Variants in BABAM2 observed in about 807,000 individuals in gnomAD.
The protein encoded by BABAM2 is BRISC and BRCA1-A complex member 2.
A neutral mutation model predicts 54.7 loss-of-function variants in BABAM2; 31 were observed. The ratio of observed to expected loss-of-function variants is 0.57; its 90% CI spans 0.43 to 0.77. The LOEUF (loss-of-function observed/expected upper bound fraction) is 0.77, where lower values mean the gene tolerates loss of function less well. Among genes scored for constraint, BABAM2 ranks in the 30% least tolerant of loss-of-function variants. BABAM2 has a pLI of 0.00. For missense variants in BABAM2, 364 were observed against 455.8 expected, an observed-to-expected ratio of 0.80 and a Z score of 1.83; for synonymous variants, 167 against 162.9, an observed-to-expected ratio of 1.03 and a Z score of -0.19.
intron 10 of BABAM2, among the ~76,000 whole-genome samples, chr2:28,272,425 A>G (rs1685495170): frequency 6.6e-6 from 1 of 152,206 alleles, no homozygotes; most frequent in South Asian, 2.1e-4. Context: ...ACCCCACATA[A>G]CAAAAGGGAC....
At chr2:28,233,950 G>A (rs1441365815) in intron 7 of BABAM2, among the ~76,000 whole-genome samples, 1 of 135,094 alleles carries the variant, frequency 7.4e-6, no homozygotes, top group Admixed American at 8.0e-5. Flanking sequence ...CTTTGGTGAC[G>A]GTCTGAAGCC....
intron 3 of BABAM2, among the ~76,000 whole-genome samples, chr2:27,965,339 A>G (rs1401192857): frequency 1.3e-5 from 2 of 152,222 alleles, no homozygotes; most frequent in Admixed American, 1.3e-4. Flanking sequence ...TATTTTTGAA[A>G]TGGAAAATTT....
chr2:27,993,188 A>G (rs937234474), intron 4 of BABAM2, among the ~76,000 whole-genome samples: 3 of 152,182 alleles, frequency 2.0e-5, no homozygotes, highest in Admixed American at 2.0e-4. Context: ...TGGGATAATG[A>G]GTCATCCTTG....
intron 3 of BABAM2, among the ~76,000 whole-genome samples, chr2:27,946,560 T>A (rs1669309953): frequency 6.6e-6 from 1 of 152,130 alleles, no homozygotes; most frequent in East Asian, 1.9e-4. Flanking sequence ...GAAAGATTGA[T>A]TTTATTTCTT....
At chr2:28,015,811 T>G (rs747197105) in intron 4 of BABAM2, 2 of 995,914 alleles carry the variant, frequency 2.0e-6, no homozygotes, top group Non-Finnish European at 2.8e-6. Context: ...TTCTCATGCT[T>G]CTTTTTCTGT....
chr2:27,951,094 A>G (rs960476572), intron 3 of BABAM2, among the ~76,000 whole-genome samples: 1 of 152,114 alleles, frequency 6.6e-6, no homozygotes, highest in Non-Finnish European at 1.5e-5. Context: ...ACATTTACTC[A>G]TGTTGTGGAA....
At position 27,938,678 on chromosome 2, in the gene BABAM2, C is replaced by T. The variant is rs545140511; in HGVS notation, c.205+8770C>T. On this transcript the variant is annotated intron_variant, in intron 3 of 11. Transcript: ENST00000379624. ...GTGCTGAGATTACAGACGTGAGCCACTGTGCTCGGCCAGCTCTTTGCCTTT... is the reference window on the plus strand; with the variant it reads ...GTGCTGAGATTACAGACGTGAGCCATTGTGCTCGGCCAGCTCTTTGCCTTT... Among the ~76,000 whole-genome samples, 4 of 152,232 alleles carry T rather than the reference C, an allele frequency of 2.6e-5. No homozygotes were observed. In the South Asian group the frequency reaches 8.3e-4, roughly 32 times the overall value.
At chr2:28,248,408 C>T (rs1276931194) in intron 10 of BABAM2, among the ~76,000 whole-genome samples, 5 of 151,636 alleles carry the variant, frequency 3.3e-5, no homozygotes, top group African/African-American at 7.3e-5. Context: ...GGAGTTTCTC[C>T]GTGTTGGTCA....
intron 10 of BABAM2, among the ~76,000 whole-genome samples, chr2:28,269,868 T>C (rs1415377086): frequency 6.6e-6 from 1 of 152,032 alleles, no homozygotes; most frequent in African/African-American, 2.4e-5. Flanking sequence ...TTTTTTACAT[T>C]GACAATGACA....
intron 7 of BABAM2, among the ~76,000 whole-genome samples, chr2:28,139,321 C>CAAAA (rs768755922): frequency 2.6e-4 from 23 of 87,040 alleles, no homozygotes; most frequent in African/African-American, 4.6e-4. Context: ...AACTCCGTCT[C>CAAAA]AAAAAAAAAA....
chr2:28,045,435 C>A (rs1433248146), intron 5 of BABAM2, among the ~76,000 whole-genome samples: 1 of 152,086 alleles, frequency 6.6e-6, no homozygotes, highest in African/African-American at 2.4e-5. Flanking sequence ...TTCATATATT[C>A]TTTTCATACT....
At chr2:28,240,782 A>G (rs1682337798) in intron 8 of BABAM2, among the ~76,000 whole-genome samples, 1 of 151,884 alleles carries the variant, frequency 6.6e-6, no homozygotes, top group African/African-American at 2.4e-5. Flanking sequence ...AGGGAGGAGA[A>G]TCACTTGAAC....
chr2:28,182,141 T>G (rs1440219595), intron 7 of BABAM2, among the ~76,000 whole-genome samples: 1 of 152,104 alleles, frequency 6.6e-6, no homozygotes, highest in African/African-American at 2.4e-5. Context: ...TACAGGCCGC[T>G]TTAAGGACAC....
chr2:28,211,067 G>A (rs965236560), intron 7 of BABAM2, among the ~76,000 whole-genome samples: 1 of 151,994 alleles, frequency 6.6e-6, no homozygotes, highest in African/African-American at 2.4e-5. Flanking sequence ...TACTTTTCTT[G>A]GATCATTAAA....
intron 3 of BABAM2, among the ~76,000 whole-genome samples, chr2:27,986,836 T>A (rs1672432757): frequency 6.6e-6 from 1 of 152,180 alleles, no homozygotes; most frequent in Non-Finnish European, 1.5e-5. Context: ...TTTTTATACA[T>A]TACAACTCAA....
intron 3 of BABAM2, among the ~76,000 whole-genome samples, chr2:27,932,559 TG>T (rs1354197663): frequency 6.6e-6 from 1 of 152,188 alleles, no homozygotes; most frequent in African/African-American, 2.4e-5. Flanking sequence ...GGATGAATGA[TG>T]GGCCAGATGT....
At position 28,224,416 on chromosome 2, in the gene BABAM2, T is replaced by A. The variant is rs559197675; in HGVS notation, c.681-12786T>A. Among the ~76,000 whole-genome samples, 274 of 152,278 alleles carry A rather than the reference T, an allele frequency of 1.8e-3. 1 individual carries two copies. Among genetic ancestry groups the A allele is most frequent in the African/African-American group, 6.3e-3 (262 of 41,560 alleles). ...CTTTTGTGATAACTGCAGACATGAGTGTCATAGAGCCAGACCCCTGACTTG... is the reference window on the plus strand; with the variant it reads ...CTTTTGTGATAACTGCAGACATGAGAGTCATAGAGCCAGACCCCTGACTTG... On this transcript the variant is annotated intron_variant, in intron 7 of 11. Transcript: ENST00000379624.
intron 5 of BABAM2, among the ~76,000 whole-genome samples, chr2:28,035,276 G>A (rs969922697): frequency 2.6e-5 from 4 of 152,116 alleles, no homozygotes; most frequent in Non-Finnish European, 5.9e-5. Context: ...CTGGTCTAGC[G>A]TGATAGGAGA....
chr2:28,010,742 G>T (rs1674325972), intron 4 of BABAM2, among the ~76,000 whole-genome samples: 1 of 152,110 alleles, frequency 6.6e-6, no homozygotes. Context: ...TCCAGTGGCT[G>T]AAATAATGTT....
Sources: gnomAD v4.1 joint callset for allele counts (sites outside exome capture counted in the v4.1 genomes callset) on GRCh38, gnomAD v4.1.1 for gene constraint, MANE v1.5 for transcripts, NCBI Gene and HGNC (gene_info 2026-07-23, HGNC 2026-07-21) for gene names.